Variants in AOAH observed in about 807,000 individuals in gnomAD.
AOAH encodes the protein acyloxyacyl hydrolase, also known as acyloxyacyl hydrolase (neutrophil).
A neutral mutation model predicts 92.2 loss-of-function variants in AOAH; 64 were observed. That is an observed-to-expected ratio of 0.69 (90% CI 0.57 to 0.86). The LOEUF is 0.86. Among genes scored for constraint, AOAH ranks in the 40% least tolerant of loss-of-function variants. The pLI is 0.00. For synonymous variants in AOAH, 263 were observed against 254.5 expected (o/e 1.03, Z -0.32); for missense variants, 656 against 694.6 (o/e 0.94, Z 0.62).
At chr7:36,718,879 T>C (rs1799433192) in intron 1 of AOAH, among the ~76,000 whole-genome samples, 2 of 152,210 alleles carry the variant, frequency 1.3e-5, no homozygotes, top group Non-Finnish European at 2.9e-5. Context: ...AATGCACAAC[T>C]CATGAATATA....
intron 1 of AOAH, among the ~76,000 whole-genome samples, chr7:36,695,713 C>T (rs1013142563): frequency 1.3e-5 from 2 of 152,216 alleles, no homozygotes; most frequent in Non-Finnish European, 2.9e-5. Context: ...CATTGCTATA[C>T]TAACATCTAT....
intron 13 of AOAH, among the ~76,000 whole-genome samples, chr7:36,552,370 T>C (rs2116354506): frequency 1.3e-5 from 2 of 152,392 alleles, no homozygotes; most frequent in South Asian, 4.1e-4. Flanking sequence ...TTCTGTGGTG[T>C]ATGTGTACCA....
At chr7:36,523,342 T>C (rs1289059818) in intron 19 of AOAH, among the ~76,000 whole-genome samples, 1 of 152,190 alleles carries the variant, frequency 6.6e-6, no homozygotes, top group East Asian at 1.9e-4. Context: ...CTGTTCACTG[T>C]GTTATATGGT....
intron 20 of AOAH, among the ~76,000 whole-genome samples, chr7:36,517,233 TC>T (rs1783825154): frequency 7.7e-6 from 1 of 130,362 alleles, no homozygotes; most frequent in African/African-American, 2.9e-5. Context: ...TCTGTCTCTC[TC>T]TCTCTCTCTC....
rs373661187 is a variant in AOAH at position 36,649,960 on chromosome 7, G to C, written c.390+9206C>G. Among the ~76,000 whole-genome samples, 43 of 152,256 alleles carry C rather than the reference G, an allele frequency of 2.8e-4. 2 individuals are homozygous for C. The South Asian group carries it at 8.9e-3, about 32-fold the overall frequency. ...CTGAACACTAGTCACTGGGTTCCAC[G>C]GTTCTCTTCTGTGACCCATGGTTTC... On this transcript the variant is annotated intron_variant, in intron 4 of 20. Coordinates refer to ENST00000617537, the MANE Select transcript of AOAH (RefSeq NM_001637.4).
At chr7:36,649,219 A>G (rs1429730162) in intron 4 of AOAH, among the ~76,000 whole-genome samples, 1 of 152,212 alleles carries the variant, frequency 6.6e-6, no homozygotes, top group African/African-American at 2.4e-5. Context: ...CAGGTAGGAC[A>G]GAAATTTGAT....
intron 1 of AOAH, among the ~76,000 whole-genome samples, chr7:36,690,621 A>G (rs1338224543): frequency 2.0e-5 from 3 of 152,210 alleles, no homozygotes; most frequent in African/African-American, 7.2e-5. Context: ...GCTGCTAATA[A>G]AAGACCTGGC....
chr7:36,692,976 C>G (rs892420327), intron 1 of AOAH, among the ~76,000 whole-genome samples: 4 of 100,472 alleles, frequency 4.0e-5, no homozygotes, highest in African/African-American at 1.3e-4. Context: ...CTTTCCTACT[C>G]TTAAAAAAGT....
intron 13 of AOAH, among the ~76,000 whole-genome samples, chr7:36,568,596 G>A (rs1787877427): frequency 6.6e-6 from 1 of 152,146 alleles, no homozygotes; most frequent in African/African-American, 2.4e-5. Context: ...ACTGAGCTGT[G>A]CTCATAGCAT....
At chr7:36,606,401 T>A (rs1791005692) in intron 11 of AOAH, among the ~76,000 whole-genome samples, 1 of 152,194 alleles carries the variant, frequency 6.6e-6, no homozygotes, top group South Asian at 2.1e-4. Flanking sequence ...AGATTAAGGA[T>A]TCATTTTGTC....
At chr7:36,723,222 T>C (rs1010850321) in intron 1 of AOAH, among the ~76,000 whole-genome samples, 1 of 152,152 alleles carries the variant, frequency 6.6e-6, no homozygotes, top group African/African-American at 2.4e-5. Context: ...GTTCTGAGTC[T>C]ATGTGGCTCC....
chr7:36,517,266 T>TCTCTCTTTCTTTCTGTGTCTCTC (rs1562854281), intron 20 of AOAH, among the ~76,000 whole-genome samples: 15 of 4,578 alleles, frequency 3.3e-3, no homozygotes, highest in African/African-American at 3.6e-3. Context: ...GTCTCTCTCT[T>TCTCTCTTTCTTTCTGTGTCTCTC]TCTTTCTTTC....
intron 4 of AOAH, among the ~76,000 whole-genome samples, chr7:36,646,829 T>C (rs1333834868): frequency 6.6e-6 from 1 of 152,200 alleles, no homozygotes; most frequent in Non-Finnish European, 1.5e-5. Flanking sequence ...GTAAGGATTC[T>C]TGTGATCACA....
intron 11 of AOAH, among the ~76,000 whole-genome samples, chr7:36,611,116 C>T (rs955817564): frequency 2.0e-5 from 3 of 152,312 alleles, no homozygotes; most frequent in Admixed American, 6.5e-5. Flanking sequence ...CTTGTCCCGT[C>T]TCCTATTCTT....
chr7:36,548,179 A>G (rs1310239432), intron 15 of AOAH, among the ~76,000 whole-genome samples: 1 of 152,146 alleles, frequency 6.6e-6, no homozygotes, highest in Non-Finnish European at 1.5e-5. Flanking sequence ...TTGATTTCAC[A>G]CGTGTCTAGG....
chr7:36,520,584 A>C (rs1784057954), intron 20 of AOAH, among the ~76,000 whole-genome samples: 1 of 152,172 alleles, frequency 6.6e-6, no homozygotes, highest in South Asian at 2.1e-4. Context: ...GCATGCCTGT[A>C]ATCCCAGCTA....
chr7:36,671,016 C>A (rs1395953435), intron 3 of AOAH, among the ~76,000 whole-genome samples: 1 of 152,138 alleles, frequency 6.6e-6, no homozygotes, highest in Non-Finnish European at 1.5e-5. Context: ...CTCTGGCACC[C>A]CCTTTTGGAC....
At chr7:36,549,376 A>G in intron 14 of AOAH, 63 bp downstream of exon 14, 1 of 1,234,962 alleles carries the variant, frequency 8.1e-7, no homozygotes, top group South Asian at 1.2e-5. Flanking sequence ...GTAATAACAG[A>G]GTTTTCATTC....
chr7:36,546,254 A>G (rs1162661596), intron 15 of AOAH, among the ~76,000 whole-genome samples: 1 of 152,262 alleles, frequency 6.6e-6, no homozygotes, highest in African/African-American at 2.4e-5. Context: ...AAAAACGTCA[A>G]GCAAATATCC....
Sources: gnomAD v4.1 joint callset for allele counts (sites outside exome capture counted in the v4.1 genomes callset) on GRCh38, gnomAD v4.1.1 for gene constraint, MANE v1.5 for transcripts, NCBI Gene and HGNC (gene_info 2026-07-23, HGNC 2026-07-21) for gene names.